The following ATP6V1B2 variants were observed in gnomAD, a reference collection of about 807,000 sequenced individuals.
ATP6V1B2 encodes the protein ATPase H+ transporting V1 subunit B2.
ATP6V1B2 carries 23 observed loss-of-function variants against 66.7 expected under a neutral mutation model. That is an observed-to-expected ratio of 0.34 (90% CI 0.25 to 0.49). The LOEUF (loss-of-function observed/expected upper bound fraction) is 0.49. ATP6V1B2 is among the 20% of genes least tolerant of loss of function. ATP6V1B2 has a pLI of 0.99. For synonymous variants in ATP6V1B2, 278 were observed against 236.7 expected, an observed-to-expected ratio of 1.17 and a Z score of -1.60; for missense variants, 478 against 650.8, an observed-to-expected ratio of 0.73 and a Z score of 2.89.
intron 5 of ATP6V1B2, among the ~76,000 whole-genome samples, 161 bp downstream of exon 5, chr8:20,210,807 G>A (rs1225084074): frequency 6.6e-6 from 1 of 151,948 alleles, no homozygotes; most frequent in Non-Finnish European, 1.5e-5. Flanking sequence ...TATTTTCTTA[G>A]AAATTATCGT....
intron 10 of ATP6V1B2, chr8:20,215,188 T>G (rs1277619277): frequency 4.3e-6 from 2 of 465,584 alleles, no homozygotes; most frequent in Non-Finnish European, 7.3e-6. Context: ...TTTAACTTTA[T>G]TAGGTACTAT....
intron 1 of ATP6V1B2, among the ~76,000 whole-genome samples, chr8:20,203,123 T>C (rs1193751783): frequency 2.0e-5 from 3 of 152,220 alleles, no homozygotes; most frequent in Non-Finnish European, 4.4e-5. Flanking sequence ...TCTAGTAATC[T>C]AGGGGAATGA....
At chr8:20,219,503 C>T (rs920903907) in intron 13 of ATP6V1B2, among the ~76,000 whole-genome samples, 4 of 152,124 alleles carry the variant, frequency 2.6e-5, no homozygotes, top group Admixed American at 2.0e-4. Context: ...CTCTTAACAT[C>T]GGTGGTTACA....
chr8:20,199,345 C>G (rs777747342), intron 1 of ATP6V1B2, among the ~76,000 whole-genome samples: 9 of 152,170 alleles, frequency 5.9e-5, no homozygotes, highest in Non-Finnish European at 1.3e-4. Context: ...AATTGTGTAA[C>G]TTGCATTTAA....
rs2072903709 is a variant in ATP6V1B2 at position 20,221,252 on chromosome 8, C to G, written c.*850C>G. 6.6e-6 allele frequency: 1 copy of G among 152,122 alleles called. No individual in the cohort carries two copies. The highest frequency in any genetic ancestry group is 1.5e-5 in the Non-Finnish European group (1 of 68,010). 9.4% of individuals were successfully genotyped at this position (152,122 alleles called of 1,614,324 possible). On this transcript the variant is annotated 3_prime_UTR_variant, in exon 14 of 14. Transcript: ENST00000276390. Reference sequence around the variant, plus strand: ...GTGGTTTAAGTTTCTAAAGTGTTTACCAGATGCTGAAGGCAAGGGGAGGGA... The same window carrying G: ...GTGGTTTAAGTTTCTAAAGTGTTTAGCAGATGCTGAAGGCAAGGGGAGGGA...
At chr8:20,199,643 C>T (rs1371040074) in intron 1 of ATP6V1B2, among the ~76,000 whole-genome samples, 1 of 114,206 alleles carries the variant, frequency 8.8e-6, no homozygotes, top group Non-Finnish European at 1.6e-5. Flanking sequence ...GAGTCTCGCT[C>T]TGTCACCCAG....
At chr8:20,213,136 C>A in intron 9 of ATP6V1B2, 1 of 474,336 alleles carries the variant, frequency 2.1e-6, no homozygotes, top group South Asian at 2.3e-5. Flanking sequence ...TCACTATCTC[C>A]ATGGATTAAG....
rs763832756 is a variant in ATP6V1B2 at position 20,210,565 on chromosome 8, C to G, written c.386-4C>G. The stretch of plus-strand genomic sequence containing the variant: ...CTCTGTCCTGTCTTCTTACTGATTT[C>G]TAGGTCGGGTATTCAATGGATCGGG... On this transcript the variant is annotated splice_region_variant and splice_polypyrimidine_tract_variant and intron_variant, in intron 4 of 13. Coordinates refer to ENST00000276390, the MANE Select transcript of ATP6V1B2 (RefSeq NM_001693.4). The G allele has an allele frequency of 3.7e-6, 6 of 1,613,616 alleles. No homozygotes were observed. The South Asian group carries it at 6.6e-5, about 18-fold the overall frequency.
chr8:20,219,716 A>G (rs2128887004), intron 13 of ATP6V1B2, among the ~76,000 whole-genome samples: 1 of 152,298 alleles, frequency 6.6e-6, no homozygotes, highest in African/African-American at 2.4e-5. Flanking sequence ...CTTGGACTCA[A>G]AGAATAAGAT....
At chr8:20,211,456 C>A (rs1422686961) in intron 6 of ATP6V1B2, 140 bp downstream of exon 6, 6 of 1,336,130 alleles carry the variant, frequency 4.5e-6, no homozygotes, top group Non-Finnish European at 6.0e-6. Context: ...TACCTCACAT[C>A]TTTATTTCTG....
intron 2 of ATP6V1B2, among the ~76,000 whole-genome samples, chr8:20,209,185 C>G (rs2072767847): frequency 6.6e-6 from 1 of 152,104 alleles, no homozygotes; most frequent in Admixed American, 6.6e-5. Context: ...ACATTTAATT[C>G]CCATGTTTTC....
chr8:20,198,505 T>A (rs527870498), intron 1 of ATP6V1B2, among the ~76,000 whole-genome samples: 1 of 152,364 alleles, frequency 6.6e-6, no homozygotes, highest in Non-Finnish European at 1.5e-5. Context: ...TGCAGTTGTG[T>A]AGCATCCAAC....
At position 20,212,836 on chromosome 8, in the gene ATP6V1B2, G is replaced by A. The variant is rs149175265; in HGVS notation, c.858G>A (p.Ala286=). Residue 286 remains alanine, a synonymous_variant, in exon 9 of 14, where the codon GCG becomes GCA. Coordinates refer to ENST00000276390, the MANE Select transcript of ATP6V1B2 (RefSeq NM_001693.4). The part of the protein sequence containing the change: ...RLALTTAEFL[A]YQCEKHVLVI... Reference sequence around the variant, plus strand: ...CTCTAACCACAGCTGAATTTCTGGCGTACCAATGTGAGAAACATGTATTGG... The same window carrying A: ...CTCTAACCACAGCTGAATTTCTGGCATACCAATGTGAGAAACATGTATTGG... 7.1e-5 allele frequency: 114 copies of A among 1,613,706 alleles called. 1 individual carries two copies. The highest frequency in any genetic ancestry group is 2.9e-4 in the South Asian group (26 of 91,074).
At chr8:20,210,670 G>A (rs2128885707) in intron 5 of ATP6V1B2, 24 bp downstream of exon 5, 1 of 1,594,184 alleles carries the variant, frequency 6.3e-7, no homozygotes, top group East Asian at 2.2e-5. Context: ...ATGGATTGCT[G>A]TGTTTGGGAG....
In ATP6V1B2 at chr8:20,197,406, G is replaced by A. The variant is rs74929830; in HGVS notation, c.-1G>A. ...GGGCCAGTCGGGACAGAGGAGACAA[G>A]ATGGCGCTGCGGGCGATGCGGGGGA... On this transcript the variant is annotated 5_prime_UTR_variant, in exon 1 of 14. Coordinates refer to ENST00000276390, the MANE Select transcript of ATP6V1B2 (RefSeq NM_001693.4). The A allele has an allele frequency of 3.9e-6, 6 of 1,540,976 alleles. No individual in the cohort carries two copies. Among genetic ancestry groups the A allele is most frequent in the Admixed American group, 2.0e-5 (1 of 51,052 alleles).
chr8:20,204,598 A>T lies in ATP6V1B2; in HGVS notation c.192+59A>T, dbSNP rs373240364. Reference sequence around the variant, plus strand: ...AGTTAAAAATGTGGCATTAAGTCCTATTTAGTATACTTTAAATTTTTGTTA... The same window carrying T: ...AGTTAAAAATGTGGCATTAAGTCCTTTTTAGTATACTTTAAATTTTTGTTA... On this transcript the variant is annotated intron_variant, in intron 2 of 13. Transcript: ENST00000276390. The T allele has an allele frequency of 4.0e-3, 5,739 of 1,435,860 alleles. 31 individuals are homozygous for T. Among genetic ancestry groups the T allele is most frequent in the Non-Finnish European group, 4.9e-3 (5,102 of 1,032,640 alleles). 88.9% of individuals were successfully genotyped at this position (1,435,860 alleles called of 1,614,324 possible).
intron 12 of ATP6V1B2, among the ~76,000 whole-genome samples, 171 bp downstream of exon 12, chr8:20,217,495 C>T (rs1457085828): frequency 6.6e-6 from 1 of 152,162 alleles, no homozygotes; most frequent in East Asian, 1.9e-4. Flanking sequence ...AGCCTTTTCC[C>T]ATAAGGACAG....
At chr8:20,215,024 C>G in intron 10 of ATP6V1B2, 56 bp downstream of exon 10, 3 of 1,513,152 alleles carry the variant, frequency 2.0e-6, no homozygotes. Flanking sequence ...AGAGAGAAGA[C>G]CCATCTACCT....
chr8:20,214,539 T>C (rs952883969), intron 9 of ATP6V1B2: 3 of 241,042 alleles, frequency 1.2e-5, no homozygotes, highest in Admixed American at 5.5e-5. Flanking sequence ...ATTTATAAAA[T>C]TGCAAACAGA....
Sources: gnomAD v4.1 joint callset for allele counts (sites outside exome capture counted in the v4.1 genomes callset) on GRCh38, gnomAD v4.1.1 for gene constraint, MANE v1.5 for transcripts, NCBI Gene and HGNC (gene_info 2026-07-23, HGNC 2026-07-21) for gene names.